Variants in CUBN observed in about 807,000 individuals in gnomAD.
CUBN encodes cubilin, also known as 460 kDa receptor.
A neutral mutation model predicts 405.3 loss-of-function variants in CUBN; 282 were observed. That is an observed-to-expected ratio of 0.70 (90% CI 0.63 to 0.77). The LOEUF (loss-of-function observed/expected upper bound fraction) is 0.77. Ranked by LOEUF, CUBN falls within the 30% of genes least tolerant of loss-of-function variation. The pLI is 0.00. For synonymous variants in CUBN, 1,684 were observed against 1,617.0 expected (o/e 1.04, Z -0.99); for missense variants, 4,514 against 4,475.2 (o/e 1.01, Z -0.25).
chr10:16,977,864 T>A (rs1245374407), intron 31 of CUBN, among the ~76,000 whole-genome samples: 1 of 152,224 alleles, frequency 6.6e-6, no homozygotes, highest in Non-Finnish European at 1.5e-5. Context: ...CTTGAACAGA[T>A]GAGACACACC....
In CUBN at chr10:16,937,258, T is replaced by A. The variant is rs559776311; in HGVS notation, c.5926+334A>T. Reference sequence around the variant, plus strand: ...ATGAGTTGATCCTTAACTAACTGATTGTGTGTGTGTGTGAATGTACATGTG... The same window carrying A: ...ATGAGTTGATCCTTAACTAACTGATAGTGTGTGTGTGTGAATGTACATGTG... On this transcript the variant is annotated intron_variant, in intron 39 of 66. Transcript: ENST00000377833. 5.9e-5 allele frequency among the ~76,000 whole-genome samples: 9 copies of A among 151,796 alleles called. No homozygotes were observed. The East Asian group carries it at 1.4e-3, about 23-fold the overall frequency.
intron 18 of CUBN, 48 bp downstream of exon 18, chr10:17,071,779 T>G (rs763487104): frequency 1.5e-5 from 24 of 1,591,076 alleles, no homozygotes; most frequent in Non-Finnish European, 1.8e-5. Context: ...AGAATTAAAA[T>G]ATTACAATCA....
chr10:17,049,141 G>C (rs935063597), intron 22 of CUBN, among the ~76,000 whole-genome samples: 3 of 152,224 alleles, frequency 2.0e-5, no homozygotes, highest in African/African-American at 7.2e-5. Flanking sequence ...AGACAGAAGG[G>C]AGACAACAGG....
At chr10:16,908,075 G>A (rs1841607662) in intron 48 of CUBN, among the ~76,000 whole-genome samples, 1 of 152,176 alleles carries the variant, frequency 6.6e-6, no homozygotes, top group South Asian at 2.1e-4. Flanking sequence ...TGGAAGGGAA[G>A]CTTAAATATC....
chr10:16,931,041 G>A (rs887081652), intron 40 of CUBN, among the ~76,000 whole-genome samples: 2 of 151,892 alleles, frequency 1.3e-5, no homozygotes, highest in Non-Finnish European at 2.9e-5. Flanking sequence ...CAGATCACGA[G>A]GTCAGGAGAT....
At chr10:16,825,583 A>G (rs1184202362) in intron 66 of CUBN, among the ~76,000 whole-genome samples, 2 of 151,154 alleles carry the variant, frequency 1.3e-5, no homozygotes, top group Admixed American at 1.3e-4. Flanking sequence ...CTCAGTGTTT[A>G]TAGTTTTTCC....
intron 59 of CUBN, among the ~76,000 whole-genome samples, chr10:16,851,677 ACTCT>A (rs1437280465): frequency 1.9e-5 from 1 of 51,994 alleles, no homozygotes; most frequent in African/African-American, 7.8e-5. Context: ...TCCCTCCCTC[ACTCT>A]ATCTTTCCCT....
chr10:17,047,852 G>C (rs565040510), intron 22 of CUBN, among the ~76,000 whole-genome samples: 1 of 151,982 alleles, frequency 6.6e-6, no homozygotes, highest in Non-Finnish European at 1.5e-5. Flanking sequence ...AACCCTTTAA[G>C]TCTTGAAAGT....
intron 31 of CUBN, among the ~76,000 whole-genome samples, chr10:16,968,791 G>A (rs1046334039): frequency 1.3e-5 from 2 of 152,228 alleles, no homozygotes; most frequent in African/African-American, 4.8e-5. Context: ...ACGTAATGAA[G>A]CCACTTGTGT....
At chr10:17,073,434 A>G (rs1564504396) in intron 17 of CUBN, among the ~76,000 whole-genome samples, 1 of 146,630 alleles carries the variant, frequency 6.8e-6, no homozygotes, top group Non-Finnish European at 1.5e-5. Context: ...TTTTAAATCA[A>G]TAACCAGCTC....
At position 17,068,277 on chromosome 10, in the gene CUBN, C is replaced by T. The variant is rs572470830; in HGVS notation, c.2795G>A (p.Cys932Tyr). 43 of 1,613,512 alleles carry T rather than the reference C, an allele frequency of 2.7e-5. No homozygotes were observed. The highest frequency in any genetic ancestry group is 3.3e-5 in the Admixed American group (2 of 59,966). Residue 932 changes from cysteine (C) to tyrosine (Y), a missense_variant, in exon 21 of 67, where the codon TGT (cysteine) becomes TAT (tyrosine). By Grantham distance (194) the Cys-to-Tyr change is radical (BLOSUM62 -2). This residue lies in a region of CUBN where 1,448 missense variants were observed against 1,388.0 expected (regional missense o/e 1.04). Transcript: ENST00000377833. ...TGTTGATTCTGTAAGAATTTCTCCA[C>T]ATGCTGTTGAAATAAAAATTATAAT... ...MAKFSAEDLACGEILTESTGT... is the reference protein window; with the variant it reads ...MAKFSAEDLAYGEILTESTGT...
chr10:17,072,073 T>C (rs1359179685), intron 17 of CUBN, 102 bp from the exon 18 acceptor site: 5 of 886,748 alleles, frequency 5.6e-6, no homozygotes, highest in African/African-American at 3.4e-5. Context: ...TCAAAATGAA[T>C]GATAATCCAA....
intron 59 of CUBN, among the ~76,000 whole-genome samples, chr10:16,855,337 C>T (rs757273615): frequency 6.6e-5 from 10 of 152,006 alleles, no homozygotes; most frequent in Non-Finnish European, 1.3e-4. Context: ...TTAGGCTTAG[C>T]CCTACGACTT....
rs995530933 is a variant in CUBN at position 16,947,506 on chromosome 10, T to C, written c.5210-139A>G. On this transcript the variant is annotated intron_variant, in intron 35 of 66. Coordinates refer to ENST00000377833, the MANE Select transcript of CUBN (RefSeq NM_001081.4). ...TCCATCTCACATTTTAAAACATTCA[T>C]GTCATATAAAATAAGGGAACAATTC... The C allele has an allele frequency of 1.7e-5, 17 of 973,070 alleles. No individual in the cohort carries two copies. The African/African-American group carries it at 2.0e-4, about 11-fold the overall frequency. 60.3% of individuals were successfully genotyped at this position (973,070 alleles called of 1,614,324 possible).
intron 14 of CUBN, among the ~76,000 whole-genome samples, chr10:17,090,894 T>C (rs1264873701): frequency 1.3e-5 from 2 of 148,536 alleles, no homozygotes; most frequent in Non-Finnish European, 3.0e-5. Context: ...ACTATGAATA[T>C]ATAGGGTATT....
intron 17 of CUBN, among the ~76,000 whole-genome samples, chr10:17,076,385 A>G (rs193248965): frequency 6.6e-6 from 1 of 152,132 alleles, no homozygotes; most frequent in East Asian, 1.9e-4. Context: ...AAGAGACACT[A>G]GAATAAAATT....
chr10:16,832,978 G>C (rs1839053617), intron 64 of CUBN, among the ~76,000 whole-genome samples: 1 of 152,010 alleles, frequency 6.6e-6, no homozygotes, highest in Non-Finnish European at 1.5e-5. Flanking sequence ...TCCTTTCTTT[G>C]CTTATGGGAC....
intron 8 of CUBN, among the ~76,000 whole-genome samples, chr10:17,113,699 C>T (rs1337121540): frequency 2.0e-5 from 3 of 152,228 alleles, no homozygotes; most frequent in Admixed American, 2.0e-4. Flanking sequence ...TGTGTACAAA[C>T]ATCTGGTTAG....
At chr10:16,909,694 A>G (rs1841665945) in intron 48 of CUBN, among the ~76,000 whole-genome samples, 1 of 152,206 alleles carries the variant, frequency 6.6e-6, no homozygotes, top group Admixed American at 6.5e-5. Flanking sequence ...CATTTATCAC[A>G]TGGACTTCTG....
Sources: gnomAD v4.1 joint callset for allele counts (sites outside exome capture counted in the v4.1 genomes callset) on GRCh38, gnomAD v4.1.1 for gene constraint, gnomAD v4.1.1 regional missense constraint, MANE v1.5 for transcripts, NCBI Gene and HGNC (gene_info 2026-07-23, HGNC 2026-07-21) for gene names.